CNTNAP4: variants seen among roughly 807,000 people sequenced by gnomAD.
The protein encoded by CNTNAP4 is contactin associated protein family member 4.
A neutral mutation model predicts 148.4 loss-of-function variants in CNTNAP4; 98 were observed. That is an observed-to-expected ratio of 0.66 (90% CI 0.56 to 0.78). The LOEUF is 0.78. Among genes scored for constraint, CNTNAP4 ranks in the 30% least tolerant of loss-of-function variants. The pLI is 0.00. For synonymous variants in CNTNAP4, 730 were observed against 565.1 expected, an observed-to-expected ratio of 1.29 and a Z score of -4.14; for missense variants, 1,935 against 1,565.6, an observed-to-expected ratio of 1.24 and a Z score of -3.98.
chr16:76,526,923 C>G (rs558981904), intron 17 of CNTNAP4, among the ~76,000 whole-genome samples: 10 of 152,292 alleles, frequency 6.6e-5, no homozygotes, highest in Admixed American at 2.6e-4. Flanking sequence ...CTCCACCCCC[C>G]TCAGCCTCCC....
intron 3 of CNTNAP4, among the ~76,000 whole-genome samples, chr16:76,373,917 AAAGG>A (rs2015141858): frequency 6.7e-6 from 1 of 148,990 alleles, no homozygotes; most frequent in Non-Finnish European, 1.5e-5. Context: ...AAAAAAAAGA[AAAGG>A]AAAGGAAACA....
At chr16:76,380,194 T>A (rs2015824641) in intron 3 of CNTNAP4, among the ~76,000 whole-genome samples, 1 of 152,220 alleles carries the variant, frequency 6.6e-6, no homozygotes, top group African/African-American at 2.4e-5. Context: ...TTATTTCATT[T>A]TGAATAAGAT....
At chr16:76,405,789 CAT>C (rs1331870455) in intron 3 of CNTNAP4, among the ~76,000 whole-genome samples, 4 of 151,830 alleles carry the variant, frequency 2.6e-5, no homozygotes, top group Non-Finnish European at 5.9e-5. Flanking sequence ...ATTTTGGAAA[CAT>C]ATGCATAGCA....
chr16:76,558,863 A>G lies in CNTNAP4; in HGVS notation c.*180A>G. 2.1e-6 allele frequency: 1 copy of G among 483,130 alleles called. No homozygotes were observed. 29.9% of individuals were successfully genotyped at this position (483,130 alleles called of 1,614,324 possible). A position where few individuals can be genotyped will look rare whatever the true frequency, so the allele number is the denominator to read the frequency against. On this transcript the variant is annotated 3_prime_UTR_variant, in exon 24 of 24. Transcript: ENST00000611870. ...CCTCGTCCAGTGATATATTTCTCAT[A>G]GCATTCATTCTATGGAACAAGAAAT... is the stretch of plus-strand genomic sequence containing the variant.
intron 2 of CNTNAP4, among the ~76,000 whole-genome samples, chr16:76,332,261 C>A (rs746981986): frequency 4.6e-5 from 7 of 151,914 alleles, no homozygotes; most frequent in Non-Finnish European, 1.0e-4. Flanking sequence ...AAGTTTGGGG[C>A]CAATATTATT....
At chr16:76,430,184 A>G (rs2079559223) in intron 4 of CNTNAP4, among the ~76,000 whole-genome samples, 1 of 152,216 alleles carries the variant, frequency 6.6e-6, no homozygotes, top group Admixed American at 6.5e-5. Flanking sequence ...TATAGCCATC[A>G]TTTATTAAAG....
At chr16:76,330,553 T>A (rs1963412324) in intron 2 of CNTNAP4, among the ~76,000 whole-genome samples, 1 of 152,214 alleles carries the variant, frequency 6.6e-6, no homozygotes, top group Admixed American at 6.5e-5. Flanking sequence ...ACAGATAATT[T>A]GGTAGTTTCA....
At chr16:76,370,804 G>T (rs1322757980) in intron 3 of CNTNAP4, among the ~76,000 whole-genome samples, 2 of 152,166 alleles carry the variant, frequency 1.3e-5, no homozygotes, top group African/African-American at 2.4e-5. Flanking sequence ...GAAATTGCAT[G>T]CTTCCCTTTC....
chr16:76,492,515 C>T (rs1387500170), intron 13 of CNTNAP4, among the ~76,000 whole-genome samples: 1 of 146,122 alleles, frequency 6.8e-6, no homozygotes, highest in African/African-American at 2.4e-5. Context: ...GTTGAGCAAA[C>T]ACCACACAGA....
intron 1 of CNTNAP4, among the ~76,000 whole-genome samples, chr16:76,304,793 A>T (rs1198976651): frequency 6.6e-6 from 1 of 152,182 alleles, no homozygotes; most frequent in Non-Finnish European, 1.5e-5. Context: ...CTGCAATTAC[A>T]GTTTGGCAAC....
intron 14 of CNTNAP4, among the ~76,000 whole-genome samples, chr16:76,498,140 C>T (rs1259706044): frequency 3.3e-5 from 5 of 152,164 alleles, no homozygotes; most frequent in Admixed American, 6.5e-5. Context: ...CCTGTAATCC[C>T]CGCACTTCGG....
intron 2 of CNTNAP4, among the ~76,000 whole-genome samples, chr16:76,332,471 C>G (rs1323463850): frequency 1.3e-5 from 2 of 152,204 alleles, no homozygotes; most frequent in East Asian, 3.9e-4. Flanking sequence ...GCCATGTTGC[C>G]TAGGCTGGTC....
chr16:76,290,435 T>A (rs919424574), intron 1 of CNTNAP4, among the ~76,000 whole-genome samples: 1 of 152,180 alleles, frequency 6.6e-6, no homozygotes, highest in South Asian at 2.1e-4. Context: ...GTCACTTTCA[T>A]CTTAACAACA....
intron 3 of CNTNAP4, among the ~76,000 whole-genome samples, chr16:76,407,112 C>T (rs35943866): frequency 0.35 from 52,527 of 151,996 alleles, 10,821 homozygotes; most frequent in Non-Finnish European, 0.44. Context: ...GAAGACAGTG[C>T]TCATTTACCA....
chr16:76,334,341 T>C (rs1260249776), intron 2 of CNTNAP4, among the ~76,000 whole-genome samples: 1 of 152,178 alleles, frequency 6.6e-6, no homozygotes, highest in Admixed American at 6.5e-5. Flanking sequence ...TTCCCAGTTT[T>C]TGCAGATTGG....
At chr16:76,537,073 TGCTG>T (rs2084243745) in intron 18 of CNTNAP4, among the ~76,000 whole-genome samples, 1 of 152,208 alleles carries the variant, frequency 6.6e-6, no homozygotes, top group Non-Finnish European at 1.5e-5. Context: ...AATCATATAC[TGCTG>T]GTACCATTCT....
intron 1 of CNTNAP4, among the ~76,000 whole-genome samples, chr16:76,284,923 TG>T (rs1247029740): frequency 3.3e-5 from 5 of 152,074 alleles, no homozygotes; most frequent in Non-Finnish European, 5.9e-5. Flanking sequence ...AAGATACTTT[TG>T]TTTCTTAATT....
chr16:76,413,105 C>G (rs78811902), intron 3 of CNTNAP4, among the ~76,000 whole-genome samples: 1 of 151,478 alleles, frequency 6.6e-6, no homozygotes, highest in East Asian at 1.9e-4. Flanking sequence ...CTTTGAGTTA[C>G]AAACAATCCG....
At chr16:76,498,458 A>G (rs2082483837) in intron 14 of CNTNAP4, 109 bp from the exon 15 acceptor site, 2 of 741,084 alleles carry the variant, frequency 2.7e-6, no homozygotes, top group African/African-American at 1.8e-5. Flanking sequence ...GAGTGACTGG[A>G]TCCATACTCT....
Sources: allele counts gnomAD v4.1 joint callset (sites outside exome capture counted in the v4.1 genomes callset), GRCh38; gene constraint gnomAD v4.1.1; transcripts MANE v1.5; gene names NCBI Gene and HGNC (gene_info 2026-07-23, HGNC 2026-07-21).